Variants in ANXA8 observed in about 807,000 individuals in gnomAD.
ANXA8 encodes the protein VAC-beta.
In ANXA8, 9 loss-of-function variants were observed where a neutral mutation model predicts 26.8. That is an observed-to-expected ratio of 0.34 (90% CI 0.20 to 0.59). The LOEUF (loss-of-function observed/expected upper bound fraction) is 0.59. Among genes scored for constraint, ANXA8 ranks in the 20% least tolerant of loss-of-function variants. The probability of loss-of-function intolerance (pLI) is 0.84; values close to 1 mark genes in which losing one functional copy is unlikely to be tolerated. For synonymous variants in ANXA8, 39 were observed against 94.8 expected (o/e 0.41, Z 3.42); for missense variants, 83 against 238.5 (o/e 0.35, Z 4.29).
the ANXA8 span, among the ~76,000 whole-genome samples, chr10:47,557,413 G>A: frequency 2.0e-5 from 3 of 151,064 alleles, no homozygotes; most frequent in South Asian, 2.1e-4. Flanking sequence ...CATTACTTAC[G>A]GGTGGTCATT....
At chr10:47,777,150 G>A in the ANXA8 span, among the ~76,000 whole-genome samples, 99,018 of 147,778 alleles carry the variant, frequency 0.67, 32,438 homozygotes, top group South Asian at 0.8. Flanking sequence ...GAGTGTGATC[G>A]GGGGCAATTA....
At chr10:47,559,839 T>A in the ANXA8 span, among the ~76,000 whole-genome samples, 3 of 152,078 alleles carry the variant, frequency 2.0e-5, no homozygotes, top group Admixed American at 2.0e-4. Flanking sequence ...ACTAAGCTGG[T>A]ACTTTCTTTA....
At chr10:47,593,988 G>T in the ANXA8 span, among the ~76,000 whole-genome samples, 1 of 145,062 alleles carries the variant, frequency 6.9e-6, no homozygotes, top group Non-Finnish European at 1.5e-5. Flanking sequence ...TTTATCCTGT[G>T]CTGGATGCTT....
At chr10:47,639,320 T>TATTATTATTA in the ANXA8 span, among the ~76,000 whole-genome samples, 12 of 96,320 alleles carry the variant, frequency 1.2e-4, no homozygotes, top group African/African-American at 4.5e-4. Flanking sequence ...TATTATTTTT[T>TATTATTATTA]TTTTTTTTTT....
At chr10:47,587,227 C>T in the ANXA8 span, among the ~76,000 whole-genome samples, 1 of 148,654 alleles carries the variant, frequency 6.7e-6, no homozygotes, top group African/African-American at 2.6e-5. Context: ...ATAAAAATTC[C>T]TGGAAATGGA....
the ANXA8 span, among the ~76,000 whole-genome samples, chr10:47,755,260 C>CTTT: frequency 7.1e-6 from 1 of 140,188 alleles, no homozygotes. Flanking sequence ...CAGCCAACCT[C>CTTT]TTTTTTTTTT....
At chr10:47,650,593 T>G in the ANXA8 span, among the ~76,000 whole-genome samples, 1 of 145,932 alleles carries the variant, frequency 6.9e-6, no homozygotes, top group Admixed American at 6.8e-5. Context: ...GATCACGAGG[T>G]CAGGAGATCG....
chr10:47,684,097 A>C, the ANXA8 span, among the ~76,000 whole-genome samples: 1 of 151,898 alleles, frequency 6.6e-6, no homozygotes, highest in Non-Finnish European at 1.5e-5. Context: ...CAGATTGAGA[A>C]ATTGTATAAT....
At chr10:47,519,525 T>G in the ANXA8 span, among the ~76,000 whole-genome samples, 7 of 107,336 alleles carry the variant, frequency 6.5e-5, no homozygotes, top group Non-Finnish European at 1.3e-4. Flanking sequence ...TCTTTCACCG[T>G]GTGGAACCAC....
chr10:47,672,615 G>C, the ANXA8 span, among the ~76,000 whole-genome samples: 1 of 151,840 alleles, frequency 6.6e-6, no homozygotes, highest in African/African-American at 2.4e-5. Context: ...TAAAAAATGG[G>C]ACAAATACAT....
At chr10:47,651,183 G>C in the ANXA8 span, among the ~76,000 whole-genome samples, 189 of 150,968 alleles carry the variant, frequency 1.3e-3, 1 homozygote, top group African/African-American at 4.3e-3. Flanking sequence ...CTGGGCGGCA[G>C]AGCAAGACCC....
chr10:47,684,689 G>T, the ANXA8 span, among the ~76,000 whole-genome samples: 4 of 151,662 alleles, frequency 2.6e-5, no homozygotes, highest in African/African-American at 9.7e-5. Flanking sequence ...GGGTTCAAGC[G>T]ATTCTCCTGC....
chr10:47,715,456 AAT>A, the ANXA8 span, among the ~76,000 whole-genome samples: 5 of 112,524 alleles, frequency 4.4e-5, no homozygotes, highest in African/African-American at 1.5e-4. Flanking sequence ...GGAAAAAAAA[AAT>A]AATAATAATA....
At chr10:47,484,968 C>T (rs1341946060), upstream of ANXA8, among the ~76,000 whole-genome samples, 1 of 148,936 alleles carries the variant, frequency 6.7e-6, no homozygotes, top group Non-Finnish European at 1.5e-5. Flanking sequence ...CGGGATCCAC[C>T]CGCTCATCCT....
the ANXA8 span, among the ~76,000 whole-genome samples, chr10:47,553,714 C>G: frequency 6.6e-6 from 1 of 150,832 alleles, no homozygotes; most frequent in Admixed American, 6.6e-5. Context: ...CCCACCCCGC[C>G]CTCGGAATCC....
chr10:47,974,214 C>T, the ANXA8 span, among the ~76,000 whole-genome samples: 1 of 149,890 alleles, frequency 6.7e-6, no homozygotes, highest in Admixed American at 6.7e-5. Context: ...GACTAAGCTG[C>T]AGTATCTTCA....
the ANXA8 span, among the ~76,000 whole-genome samples, chr10:47,943,902 A>G: frequency 6.8e-6 from 1 of 147,646 alleles, no homozygotes; most frequent in Non-Finnish European, 1.5e-5. Context: ...TGTAGCCCCA[A>G]GCCTGGATCT....
the ANXA8 span, among the ~76,000 whole-genome samples, chr10:47,650,529 A>C: frequency 6.6e-6 from 1 of 151,166 alleles, no homozygotes; most frequent in Non-Finnish European, 1.5e-5. Context: ...TGGGCAGGCC[A>C]GGTGTGGTGG....
the ANXA8 span, chr10:47,502,035 G>A: frequency 1.3e-6 from 2 of 1,486,696 alleles, no homozygotes; most frequent in Admixed American, 2.0e-5. Context: ...TTCCCATTTT[G>A]TTTTTGCACC....
Sources: gnomAD v4.1 joint callset for allele counts (sites outside exome capture counted in the v4.1 genomes callset) on GRCh38, gnomAD v4.1.1 for gene constraint, MANE v1.5 for transcripts, NCBI Gene and HGNC (gene_info 2026-07-23, HGNC 2026-07-21) for gene names.